The following IFI35 variants were observed in gnomAD, a reference collection of about 807,000 sequenced individuals.
The protein encoded by IFI35 is interferon-induced 35 kDa protein.
A neutral mutation model predicts 28.6 loss-of-function variants in IFI35; 30 were observed. The observed-to-expected ratio is 1.05, with a 90% CI of 0.79 to 1.43. The LOEUF (loss-of-function observed/expected upper bound fraction) is 1.43, where lower values mean the gene tolerates loss of function less well. Ranked by LOEUF, IFI35 falls within the 40% of genes most tolerant of loss-of-function variation. The probability of loss-of-function intolerance (pLI) is 0.00; values close to 1 mark genes in which losing one functional copy is unlikely to be tolerated. For synonymous variants in IFI35, 146 were observed against 154.8 expected, an observed-to-expected ratio of 0.94 and a Z score of 0.42; for missense variants, 372 against 356.9, an observed-to-expected ratio of 1.04 and a Z score of -0.34.
intron 2 of IFI35, chr17:43,012,838 G>A (rs1321217085): frequency 3.4e-6 from 2 of 588,924 alleles, no homozygotes; most frequent in Non-Finnish European, 6.0e-6. Flanking sequence ...CATCTGTAAA[G>A]TAGAGCTACC....
At chr17:43,008,181 C>A (rs997852959) in intron 1 of IFI35, among the ~76,000 whole-genome samples, 1 of 150,198 alleles carries the variant, frequency 6.7e-6, no homozygotes, top group East Asian at 2.0e-4. Context: ...AGTACAGGCA[C>A]GTTCCACCAT....
At chr17:43,009,964 G>A (rs1265468665) in intron 1 of IFI35, among the ~76,000 whole-genome samples, 1 of 150,374 alleles carries the variant, frequency 6.7e-6, no homozygotes, top group Non-Finnish European at 1.5e-5. Context: ...GGCTGGGCGC[G>A]GTGTCTCACA....
intron 5 of IFI35, 45 bp from the exon 6 acceptor site, chr17:43,013,731 G>A (rs2050489622): frequency 3.7e-6 from 6 of 1,608,484 alleles, no homozygotes; most frequent in Non-Finnish European, 5.1e-6. Context: ...GCAGGGAGAG[G>A]AGAGGGCTTG....
chr17:43,013,706 G>A lies in IFI35; in HGVS notation c.562+44G>A, dbSNP rs370134554. Reference sequence around the variant, plus strand: ...TCCTGCAGGGGAGAGGGTATAGGGTGTGCAAGATTACGGTGCAGGGAGAGG... The same window carrying A: ...TCCTGCAGGGGAGAGGGTATAGGGTATGCAAGATTACGGTGCAGGGAGAGG... On this transcript the variant is annotated intron_variant, in intron 5 of 6. Coordinates refer to ENST00000415816, the MANE Select transcript of IFI35 (RefSeq NM_001330230.2). 6.0e-5 allele frequency: 97 copies of A among 1,610,484 alleles called. 1 individual carries two copies. Among genetic ancestry groups the A allele is most frequent in the Non-Finnish European group, 7.7e-5 (91 of 1,177,052 alleles).
chr17:43,013,106 G>A lies in IFI35; in HGVS notation c.180G>A (p.Pro60=), dbSNP rs772748037. The A allele has an allele frequency of 1.7e-5, 28 of 1,613,874 alleles. No homozygotes were observed. In the East Asian group the frequency reaches 2.0e-4, roughly 12 times the overall value. The change falls in exon 3 of 7, where the codon CCG becomes CCA. Residue 60 remains proline, a synonymous_variant. Coordinates refer to ENST00000415816, the MANE Select transcript of IFI35 (RefSeq NM_001330230.2). ...LVFRGHTQQD[P]EVPKSLVSNL... The stretch of plus-strand genomic sequence containing the variant: ...TCCGAGGACACACCCAGCAGGACCC[G>A]GAAGTGCCTAAGTCTTTAGTTTCCA...
rs763570551 is a variant in IFI35 at position 43,013,865 on chromosome 17, G to A, written c.652G>A (p.Glu218Lys). 39 of 1,599,128 alleles carry A rather than the reference G, an allele frequency of 2.4e-5. No homozygotes were observed. The South Asian group carries it at 3.9e-4, about 16-fold the overall frequency. ...GAGAGTCTCTCCGTATGTGAACGGG[G>A]AGATCCAGAAGGCTGAGGTAAGCAG... ...PLRVSPYVNG[E>K]IQKAEIRSQP... is the part of the protein sequence containing the mutation. Residue 218 changes from glutamate (E) to lysine (K), a missense_variant, in exon 6 of 7, where the codon GAG (glutamate) becomes AAG (lysine). Transcript: ENST00000415816.
chr17:43,008,024 A>C (rs2050424545), intron 1 of IFI35, among the ~76,000 whole-genome samples: 1 of 149,702 alleles, frequency 6.7e-6, no homozygotes, highest in South Asian at 2.1e-4. Flanking sequence ...CAGTTCCCCA[A>C]GGACAATCCC....
chr17:43,011,406 C>G (rs1414985582), intron 1 of IFI35, among the ~76,000 whole-genome samples: 2 of 151,968 alleles, frequency 1.3e-5, no homozygotes, highest in African/African-American at 4.8e-5. Flanking sequence ...GTAATCCCAG[C>G]TACTTGGGAG....
In IFI35 at chr17:43,013,876, G is replaced by A; in HGVS notation, c.663G>A (p.Lys221=). The part of the protein sequence containing the change: ...VSPYVNGEIQ[K]AEIRSQPVPR... Reference sequence around the variant, plus strand: ...CGTATGTGAACGGGGAGATCCAGAAGGCTGAGGTAAGCAGGAGGGGTGAAG... The same window carrying A: ...CGTATGTGAACGGGGAGATCCAGAAAGCTGAGGTAAGCAGGAGGGGTGAAG... Residue 221 remains lysine (K), a synonymous_variant, in exon 6 of 7, where the codon AAG becomes AAA. Coordinates refer to ENST00000415816, the MANE Select transcript of IFI35 (RefSeq NM_001330230.2). The A allele has an allele frequency of 6.3e-7, 1 of 1,591,412 alleles. No homozygotes were observed. Among genetic ancestry groups the A allele is most frequent in the South Asian group, 1.1e-5 (1 of 89,090 alleles).
chr17:43,013,497 C>T lies in IFI35; in HGVS notation c.397C>T (p.Arg133Trp), dbSNP rs149709197. 292 of 1,613,820 alleles carry T rather than the reference C, an allele frequency of 1.8e-4. No individual in the cohort carries two copies. Among genetic ancestry groups the T allele is most frequent in the Non-Finnish European group, 2.3e-4 (272 of 1,179,922 alleles). The change falls in exon 5 of 7, where the codon CGG (arginine) becomes TGG (tryptophan). Residue 133 changes from arginine (R) to tryptophan (W), a missense_variant. Physicochemically the swap from Arg to Trp is moderately radical, Grantham distance 101. Transcript: ENST00000415816. ...TIQMSSQLSG[R>W]RVLVTGFPAS... ...CTAGATGTCCAGCCAGTTGAGTGGC[C>T]GGAGGGTGTTGGTCACTGGATTTCC...
At position 43,013,553 on chromosome 17, in the gene IFI35, G is replaced by A; in HGVS notation, c.453G>A (p.Leu151=). The A allele has an allele frequency of 1.2e-6, 2 of 1,614,166 alleles. No individual in the cohort carries two copies. The highest frequency in any genetic ancestry group is 1.7e-6 in the Non-Finnish European group (2 of 1,180,012). The change falls in exon 5 of 7, where the codon CTG becomes CTA. Residue 151 remains leucine, a synonymous_variant. Transcript: ENST00000415816. ...GCCTCAGGCTGAGTGAGGAGGAGCT[G>A]CTGGACAAGCTAGAGATCTTCTTTG... ...PASLRLSEEE[L]LDKLEIFFGK... is the part of the protein sequence containing the mutation.
At chr17:43,012,107 C>T in intron 1 of IFI35, 72 bp from the exon 2 acceptor site, 2 of 1,109,804 alleles carry the variant, frequency 1.8e-6, no homozygotes, top group Non-Finnish European at 2.6e-6. Context: ...AGAATAGGCC[C>T]CACTTCCCCT....
chr17:43,012,957 C>A, intron 2 of IFI35, 90 bp from the exon 3 acceptor site: 1 of 1,349,252 alleles, frequency 7.4e-7, no homozygotes, highest in Non-Finnish European at 1.0e-6. Flanking sequence ...GTATTTATCT[C>A]CGGCACTCAG....
chr17:43,013,246 A>C, intron 3 of IFI35, 21 bp from the exon 4 acceptor site: 1 of 1,614,002 alleles, frequency 6.2e-7, no homozygotes, highest in Non-Finnish European at 8.5e-7. Context: ...CCCAGTACTG[A>C]CCCTGTTTCC....
chr17:43,009,190 A>G (rs1217171592), intron 1 of IFI35, among the ~76,000 whole-genome samples: 1 of 148,760 alleles, frequency 6.7e-6, no homozygotes, highest in East Asian at 2.1e-4. Context: ...GTAGAGGTAG[A>G]GTTTTGTCCT....
intron 2 of IFI35, chr17:43,012,543 G>A: frequency 3.7e-6 from 1 of 269,282 alleles, no homozygotes; most frequent in South Asian, 5.1e-5. Flanking sequence ...TTTGAGACCA[G>A]CCTGGCCAAC....
chr17:43,008,034 CTT>C (rs1165440744), intron 1 of IFI35, among the ~76,000 whole-genome samples: 5 of 132,468 alleles, frequency 3.8e-5, no homozygotes, highest in Admixed American at 1.5e-4. Flanking sequence ...AGGACAATCC[CTT>C]TTTTTTTTTT....
chr17:43,008,259 C>T (rs1339149451), intron 1 of IFI35, among the ~76,000 whole-genome samples: 1 of 150,230 alleles, frequency 6.7e-6, no homozygotes, highest in African/African-American at 2.5e-5. Context: ...TGGTCTTGAT[C>T]TTCTGACCTC....
chr17:43,007,247 C>T (rs1481780665), intron 1 of IFI35, among the ~76,000 whole-genome samples: 1 of 152,110 alleles, frequency 6.6e-6, no homozygotes, highest in East Asian at 1.9e-4. Context: ...TTCTGTGACC[C>T]AAATAACAAT....
Sources: gnomAD v4.1 joint callset for allele counts (sites outside exome capture counted in the v4.1 genomes callset) on GRCh38, gnomAD v4.1.1 for gene constraint, MANE v1.5 for transcripts, NCBI Gene and HGNC (gene_info 2026-07-23, HGNC 2026-07-21) for gene names.